ANKH: variants seen among roughly 807,000 people sequenced by gnomAD.
ANKH encodes the protein ANKH inorganic pyrophosphate transport regulator.
Under a neutral mutation model 49.0 loss-of-function variants are expected in ANKH, and 15 were observed. The observed-to-expected ratio is 0.31, with a 90% CI of 0.20 to 0.47. ANKH has a LOEUF of 0.47. Ranked by LOEUF, ANKH falls within the 20% of genes least tolerant of loss-of-function variation. The probability of loss-of-function intolerance (pLI) is 1.00; values close to 1 mark genes in which losing one functional copy is unlikely to be tolerated. For missense variants in ANKH, 429 were observed against 652.0 expected (o/e 0.66, Z 3.72); for synonymous variants, 273 against 260.0 (o/e 1.05, Z -0.48).
At chr5:14,855,750 G>T (rs535022942) in intron 1 of ANKH, among the ~76,000 whole-genome samples, 1 of 148,418 alleles carries the variant, frequency 6.7e-6, no homozygotes, top group Admixed American at 6.9e-5. Context: ...AAAAGCATAC[G>T]TTACTTAAAT....
At chr5:14,718,880 A>AATTCACAAGTTAGCAGTAAG (rs1737574416) in intron 8 of ANKH, among the ~76,000 whole-genome samples, 1 of 150,546 alleles carries the variant, frequency 6.6e-6, no homozygotes, top group African/African-American at 2.4e-5. Context: ...CAGAAAGGAA[A>AATTCACAAGTTAGCAGTAAG]ATTCACAAGT....
intron 8 of ANKH, among the ~76,000 whole-genome samples, chr5:14,731,193 C>A (rs1290710505): frequency 6.6e-6 from 1 of 152,156 alleles, no homozygotes; most frequent in African/African-American, 2.4e-5. Context: ...GGCTCATTTC[C>A]TGAGGATCTT....
chr5:14,799,387 A>G (rs1344832008), intron 1 of ANKH, among the ~76,000 whole-genome samples: 1 of 152,232 alleles, frequency 6.6e-6, no homozygotes, highest in Non-Finnish European at 1.5e-5. Flanking sequence ...TACATTATAC[A>G]ACAGATTTTC....
At chr5:14,834,326 G>A (rs1741592588) in intron 1 of ANKH, among the ~76,000 whole-genome samples, 1 of 152,140 alleles carries the variant, frequency 6.6e-6, no homozygotes, top group African/African-American at 2.4e-5. Context: ...CTGGAGTGAT[G>A]AGGCCTCCAC....
At chr5:14,771,343 T>A (rs1463669832) in intron 1 of ANKH, among the ~76,000 whole-genome samples, 3 of 152,236 alleles carry the variant, frequency 2.0e-5, no homozygotes, top group African/African-American at 7.2e-5. Flanking sequence ...TGACCCTGCA[T>A]GGTAGATGCA....
chr5:14,761,679 A>G (rs555239910), intron 2 of ANKH, among the ~76,000 whole-genome samples: 27 of 151,982 alleles, frequency 1.8e-4, no homozygotes, highest in Non-Finnish European at 3.7e-4. Context: ...TATGCTGGAC[A>G]CCACAATTCA....
At chr5:14,821,781 C>T (rs1443198259) in intron 1 of ANKH, among the ~76,000 whole-genome samples, 1 of 152,116 alleles carries the variant, frequency 6.6e-6, no homozygotes, top group African/African-American at 2.4e-5. Flanking sequence ...AACAGTAGAA[C>T]CAGATAAATG....
intron 1 of ANKH, among the ~76,000 whole-genome samples, chr5:14,862,879 G>T (rs1387426487): frequency 1.3e-5 from 2 of 152,104 alleles, no homozygotes; most frequent in Non-Finnish European, 2.9e-5. Context: ...GACACAAAAT[G>T]ACAGCAGGAA....
At chr5:14,790,863 G>A (rs1398341677) in intron 1 of ANKH, among the ~76,000 whole-genome samples, 7 of 152,144 alleles carry the variant, frequency 4.6e-5, no homozygotes, top group Admixed American at 1.3e-4. Context: ...ACCTGCCTTG[G>A]CCTCCCAAAG....
chr5:14,851,452 C>T (rs780551681), intron 1 of ANKH, among the ~76,000 whole-genome samples: 53 of 152,304 alleles, frequency 3.5e-4, no homozygotes, highest in Non-Finnish European at 6.3e-4. Flanking sequence ...TGGCTGGGGT[C>T]ATCCCCAGTG....
intron 1 of ANKH, among the ~76,000 whole-genome samples, chr5:14,818,644 CAAAAAAA>C (rs34629052): frequency 4.6e-5 from 3 of 64,910 alleles, no homozygotes; most frequent in Non-Finnish European, 8.5e-5. Flanking sequence ...AACTCCATCT[CAAAAAAA>C]AAAAAAAAAA....
At chr5:14,864,912 A>T (rs1481447430) in intron 1 of ANKH, among the ~76,000 whole-genome samples, 1 of 151,994 alleles carries the variant, frequency 6.6e-6, no homozygotes, top group African/African-American at 2.4e-5. Flanking sequence ...ACACACACTT[A>T]CCCCACACAC....
intron 1 of ANKH, among the ~76,000 whole-genome samples, chr5:14,811,500 G>A (rs116767248): frequency 3.3e-5 from 5 of 152,222 alleles, no homozygotes; most frequent in Non-Finnish European, 7.4e-5. Flanking sequence ...TGGTGGGTGC[G>A]TACTATTGGA....
chr5:14,871,507 G>A lies in ANKH; in HGVS notation c.-60C>T. 7.2e-7 allele frequency: 1 copy of A among 1,394,432 alleles called. No individual in the cohort carries two copies. The highest frequency in any genetic ancestry group is 9.8e-7 in the Non-Finnish European group (1 of 1,017,152). 86.4% of individuals were successfully genotyped at this position (1,394,432 alleles called of 1,614,324 possible). Reference sequence around the variant, plus strand: ...CTGCCGCGAGGGGACTCTGCGGGGAGGCGAGGGGCGACGGGGCGACGGGGC... The same window carrying A: ...CTGCCGCGAGGGGACTCTGCGGGGAAGCGAGGGGCGACGGGGCGACGGGGC... On this transcript the variant is annotated 5_prime_UTR_variant, in exon 1 of 12. Coordinates refer to ENST00000284268, the MANE Select transcript of ANKH (RefSeq NM_054027.6).
At chr5:14,867,108 GA>G (rs1735668126) in intron 1 of ANKH, among the ~76,000 whole-genome samples, 1 of 128,258 alleles carries the variant, frequency 7.8e-6, no homozygotes, top group African/African-American at 3.1e-5. Context: ...ATTGAGCCAA[GA>G]TCACACCACT....
In ANKH at chr5:14,710,378, AG is replaced by A. The variant is rs1737121039; in HGVS notation, c.*818del. 6.6e-6 allele frequency: 1 copy of A among 152,258 alleles called. No individual in the cohort carries two copies. Among genetic ancestry groups the A allele is most frequent in the Non-Finnish European group, 1.5e-5 (1 of 68,052 alleles). The allele number at this position is 152,258 out of a possible 1,614,324, so 9.4% of individuals were successfully genotyped here. On this transcript the variant is annotated 3_prime_UTR_variant, in exon 12 of 12. Coordinates refer to ENST00000284268, the MANE Select transcript of ANKH (RefSeq NM_054027.6). ...AAGCCTTCAGGAAAAGTCATGCGGC[AG>A]GGTCTGGAATCTGGAGATGCGCTTT...
At chr5:14,779,064 T>C (rs1281909808) in intron 1 of ANKH, among the ~76,000 whole-genome samples, 1 of 152,174 alleles carries the variant, frequency 6.6e-6, no homozygotes, top group Non-Finnish European at 1.5e-5. Context: ...AGGTAGAAAC[T>C]AAATTTCTTA....
intron 1 of ANKH, among the ~76,000 whole-genome samples, chr5:14,817,431 T>C (rs1284627311): frequency 5.3e-5 from 8 of 152,144 alleles, no homozygotes. Flanking sequence ...TAAGAAGGAA[T>C]ATAGGCATTT....
chr5:14,719,085 G>A (rs1010354464), intron 8 of ANKH, among the ~76,000 whole-genome samples: 3 of 152,206 alleles, frequency 2.0e-5, no homozygotes, highest in African/African-American at 7.2e-5. Context: ...CCCATCCGGG[G>A]GAGGTGGTGC....
Sources: allele counts gnomAD v4.1 joint callset (sites outside exome capture counted in the v4.1 genomes callset), GRCh38; gene constraint gnomAD v4.1.1; transcripts MANE v1.5; gene names NCBI Gene and HGNC (gene_info 2026-07-23, HGNC 2026-07-21).